Variants in MAP2 observed in about 807,000 individuals in gnomAD.
The protein encoded by MAP2 is microtubule-associated protein 2.
MAP2 carries 14 observed loss-of-function variants against 137.6 expected under a neutral mutation model. The ratio of observed to expected loss-of-function variants is 0.10; its 90% CI spans 0.07 to 0.16. The LOEUF (loss-of-function observed/expected upper bound fraction) is 0.16. Ranked by LOEUF, MAP2 falls within the 10% of genes least tolerant of loss-of-function variation. The pLI is 1.00. For missense variants in MAP2, 2,088 were observed against 2,191.5 expected, an observed-to-expected ratio of 0.95 and a Z score of 0.94; for synonymous variants, 786 against 782.3, an observed-to-expected ratio of 1.00 and a Z score of -0.08.
chr2:209,651,026 A>G (rs1290962099), intron 4 of MAP2, among the ~76,000 whole-genome samples: 1 of 152,200 alleles, frequency 6.6e-6, no homozygotes, highest in Admixed American at 6.5e-5. Context: ...TCTATCAGTA[A>G]AATGTTGTGA....
intron 1 of MAP2, among the ~76,000 whole-genome samples, chr2:209,497,894 G>A (rs1394477791): frequency 6.6e-6 from 1 of 152,228 alleles, no homozygotes; most frequent in African/African-American, 2.4e-5. Context: ...ATTGGGTGGC[G>A]ACAAATATGA....
intron 13 of MAP2, among the ~76,000 whole-genome samples, chr2:209,717,016 TAGAG>T (rs2067949669): frequency 6.6e-6 from 1 of 152,016 alleles, no homozygotes; most frequent in Non-Finnish European, 1.5e-5. Flanking sequence ...GAAGGAGACA[TAGAG>T]AGGGAGGAAG....
chr2:209,522,263 A>C (rs2063388136), intron 2 of MAP2, among the ~76,000 whole-genome samples: 1 of 152,168 alleles, frequency 6.6e-6, no homozygotes, highest in African/African-American at 2.4e-5. Flanking sequence ...ACACTTCTGA[A>C]TCAAGGCAGA....
In MAP2 at chr2:209,631,034, A is replaced by AAG. The variant is rs869180815; in HGVS notation, c.-30+5918_-30+5919dup. Among the ~76,000 whole-genome samples the AAG allele has an allele frequency of 4.0e-3, 401 of 100,602 alleles. 3 individuals carry two copies. Among genetic ancestry groups the AAG allele is most frequent in the African/African-American group, 0.015 (233 of 15,594 alleles). 66.0% of individuals were successfully genotyped at this position (100,602 alleles called of 152,430 possible). ...AAAAAAAAAAAAAAAAAAAAAAAAA[A>AAG]AGAGAGAGAGAGAGCGAGAATAGAT... On this transcript the variant is annotated intron_variant, in intron 4 of 15. Transcript: ENST00000682079.
At chr2:209,620,644 A>G (rs2090855269) in intron 3 of MAP2, among the ~76,000 whole-genome samples, 1 of 152,190 alleles carries the variant, frequency 6.6e-6, no homozygotes, top group South Asian at 2.1e-4. Context: ...GTTAGACTAA[A>G]TGATTTTATG....
intron 10 of MAP2, among the ~76,000 whole-genome samples, chr2:209,699,560 T>C (rs531697448): frequency 6.6e-6 from 1 of 152,270 alleles, no homozygotes; most frequent in East Asian, 1.9e-4. Flanking sequence ...TCCAGAAGCA[T>C]AAAACAGCAG....
At chr2:209,639,016 C>A (rs2093796866) in intron 4 of MAP2, among the ~76,000 whole-genome samples, 1 of 152,072 alleles carries the variant, frequency 6.6e-6, no homozygotes, top group African/African-American at 2.4e-5. Flanking sequence ...ATTTATTTTG[C>A]TTTCTAGTAT....
At position 209,703,635 on chromosome 2, in the gene MAP2, G is replaced by A. The variant is rs544257683; in HGVS notation, c.4585-1945G>A. Among the ~76,000 whole-genome samples the A allele has an allele frequency of 2.6e-5, 4 of 152,130 alleles. No homozygotes were observed. In the South Asian group the frequency reaches 6.2e-4, roughly 24 times the overall value. On this transcript the variant is annotated intron_variant, in intron 11 of 15. Transcript: ENST00000682079. The stretch of plus-strand genomic sequence containing the variant: ...TTTAAACCTGCAAAAAGAGAGTTTT[G>A]CTAGTCACTTGTAACATTCTTTCTA...
At chr2:209,532,878 G>A (rs2065340959) in intron 2 of MAP2, among the ~76,000 whole-genome samples, 2 of 152,090 alleles carry the variant, frequency 1.3e-5, no homozygotes, top group Non-Finnish European at 2.9e-5. Context: ...TGATTTTCAT[G>A]TATCTTAAAA....
At chr2:209,468,356 T>C (rs892233056) in intron 1 of MAP2, among the ~76,000 whole-genome samples, 14 of 140,136 alleles carry the variant, frequency 1.0e-4, no homozygotes, top group African/African-American at 3.4e-4. Context: ...AGTCTTGCTC[T>C]GTCACCCAGG....
chr2:209,622,495 G>A (rs537481112), intron 3 of MAP2, among the ~76,000 whole-genome samples: 2 of 152,206 alleles, frequency 1.3e-5, no homozygotes, highest in East Asian at 3.9e-4. Context: ...TGATGGTGAG[G>A]AATAAATTAC....
At position 209,507,407 on chromosome 2, in the gene MAP2, T is replaced by C. The variant is rs535458550; in HGVS notation, c.-221-185T>C. Among the ~76,000 whole-genome samples the C allele has an allele frequency of 5.3e-5, 8 of 152,268 alleles. No individual in the cohort carries two copies. In the East Asian group the frequency reaches 1.5e-3, roughly 29 times the overall value. On this transcript the variant is annotated intron_variant, in intron 1 of 15. Transcript: ENST00000682079. ...ATTTTTTTCAATAAAATGTAGAACG[T>C]ATTTTTAAGTTTAAAGTTGTATTAT...
Position 209,695,925 on chromosome 2 carries a change from C to T in MAP2, c.3755C>T (p.Ser1252Leu), listed in dbSNP as rs1426018790. 3.1e-6 allele frequency: 5 copies of T among 1,614,068 alleles called. No individual in the cohort carries two copies. Among genetic ancestry groups the T allele is most frequent in the Non-Finnish European group, 4.2e-6 (5 of 1,179,988 alleles). The change falls in exon 8 of 16, where the codon TCA becomes TTA. Residue 1252 changes from serine to leucine, a missense_variant. Physicochemically the swap from Ser to Leu is moderately radical, Grantham distance 145. Coordinates refer to ENST00000682079, the MANE Select transcript of MAP2 (RefSeq NM_001375505.1). The stretch of plus-strand genomic sequence containing the variant: ...GAATATGATAAACTGCTCTTCCGCT[C>T]AGACACCCTTCAGATAACTGACCTG... Reference protein sequence around the residue: ...QGEYDKLLFRSDTLQITDLGV... With the variant: ...QGEYDKLLFRLDTLQITDLGV...
chr2:209,730,706 A>G lies in MAP2; in HGVS notation c.*309A>G. On this transcript the variant is annotated 3_prime_UTR_variant, in exon 16 of 16. Transcript: ENST00000682079. ...TGCATTTTTACCTTTCATGTGCCTGAAGGCTATCCACTACATTCTGAAGGC... is the reference window on the plus strand; with the variant it reads ...TGCATTTTTACCTTTCATGTGCCTGGAGGCTATCCACTACATTCTGAAGGC... 3.5e-6 allele frequency: 1 copy of G among 288,932 alleles called. No homozygotes were observed. The highest frequency in any genetic ancestry group is 4.8e-5 in the Admixed American group (1 of 20,814). The allele number at this position is 288,932 out of a possible 1,614,324, so 17.9% of individuals were successfully genotyped here. A position where few individuals can be genotyped will look rare whatever the true frequency, so the allele number is the denominator to read the frequency against.
At chr2:209,613,098 A>T (rs778864202) in intron 3 of MAP2, among the ~76,000 whole-genome samples, 13 of 152,114 alleles carry the variant, frequency 8.5e-5, no homozygotes, top group Non-Finnish European at 1.3e-4. Context: ...TCTCCAGACA[A>T]TCAGTGAGAG....
chr2:209,707,826 G>T (rs150565119), intron 12 of MAP2, among the ~76,000 whole-genome samples: 1 of 151,902 alleles, frequency 6.6e-6, no homozygotes, highest in Non-Finnish European at 1.5e-5. Flanking sequence ...AAAGCTTAAC[G>T]TGTTTTCTAC....
intron 2 of MAP2, among the ~76,000 whole-genome samples, chr2:209,513,744 T>A (rs564758012): frequency 6.6e-6 from 1 of 152,204 alleles, no homozygotes; most frequent in South Asian, 2.1e-4. Context: ...TTCCTCAGGA[T>A]GTCAGGCTGT....
chr2:209,591,344 C>T (rs2079185713), intron 3 of MAP2, among the ~76,000 whole-genome samples: 1 of 152,182 alleles, frequency 6.6e-6, no homozygotes, highest in Admixed American at 6.5e-5. Flanking sequence ...AAACCTCCTA[C>T]AGTGAACAGC....
chr2:209,695,054 A>G lies in MAP2; in HGVS notation c.2884A>G (p.Thr962Ala). Residue 962 changes from threonine to alanine, a missense_variant, in exon 8 of 16, where the codon ACT (threonine) becomes GCT (alanine). By Grantham distance (58) the Thr-to-Ala change is moderately conservative (BLOSUM62 0). This residue lies in a region of MAP2 where 500 missense variants were observed against 482.9 expected (regional missense o/e 1.04). Transcript: ENST00000682079. ...GAAGAAAGCTAATGATAGGTTGGATACTGTACTAGAAAAGAGTGAAGAACA... is the reference window on the plus strand; with the variant it reads ...GAAGAAAGCTAATGATAGGTTGGATGCTGTACTAGAAAAGAGTGAAGAACA... ...QEKKANDRLD[T>A]VLEKSEEHAD... The G allele has an allele frequency of 6.2e-7, 1 of 1,614,168 alleles. No individual in the cohort carries two copies. The highest frequency in any genetic ancestry group is 8.5e-7 in the Non-Finnish European group (1 of 1,180,030).
Sources: gnomAD v4.1 joint callset for allele counts (sites outside exome capture counted in the v4.1 genomes callset) on GRCh38, gnomAD v4.1.1 for gene constraint, gnomAD v4.1.1 regional missense constraint, MANE v1.5 for transcripts, NCBI Gene and HGNC (gene_info 2026-07-23, HGNC 2026-07-21) for gene names.